FBXO42: variants seen among roughly 807,000 people sequenced by gnomAD.
The protein encoded by FBXO42 is F-box only protein 42.
A neutral mutation model predicts 71.7 loss-of-function variants in FBXO42; 12 were observed. The observed-to-expected ratio is 0.17, with a 90% CI of 0.11 to 0.27. The LOEUF (loss-of-function observed/expected upper bound fraction) is 0.27, where lower values mean the gene tolerates loss of function less well. Ranked by LOEUF, FBXO42 falls within the 10% of genes least tolerant of loss-of-function variation. The probability of loss-of-function intolerance (pLI) is 1.00; values close to 1 mark genes in which losing one functional copy is unlikely to be tolerated. For missense variants in FBXO42, 707 were observed against 911.9 expected (o/e 0.78, Z 2.89); for synonymous variants, 325 against 327.5 (o/e 0.99, Z 0.08).
chr1:16,350,339 T>A (rs189365798), intron 1 of FBXO42, among the ~76,000 whole-genome samples: 91 of 152,192 alleles, frequency 6.0e-4, no homozygotes, highest in Non-Finnish European at 1.0e-3. Flanking sequence ...CAAATTGATA[T>A]GCAAAGTAGC....
intron 2 of FBXO42, among the ~76,000 whole-genome samples, chr1:16,306,779 A>G (rs906724186): frequency 2.0e-5 from 3 of 152,108 alleles, no homozygotes; most frequent in African/African-American, 4.8e-5. Context: ...GCTCACTGCA[A>G]TCTCTGCCTC....
In FBXO42 at chr1:16,251,907, A is replaced by G; in HGVS notation, c.1039-122T>C. 7.8e-7 allele frequency: 1 copy of G among 1,288,608 alleles called. No homozygotes were observed. 79.8% of individuals were successfully genotyped at this position (1,288,608 alleles called of 1,614,324 possible). On this transcript the variant is annotated intron_variant, in intron 9 of 9. Transcript: ENST00000375592. This position sits in a 1 kb window ranked among gnomAD's most constrained non-coding sequence, Gnocchi z 4.5. ...CATTTTGTAGGTACCTGAGATATGAAGATGAAAATGATGTAGTCTGCCCTC... is the reference window on the plus strand; with the variant it reads ...CATTTTGTAGGTACCTGAGATATGAGGATGAAAATGATGTAGTCTGCCCTC...
chr1:16,316,479 T>C (rs1463853416), intron 1 of FBXO42, among the ~76,000 whole-genome samples: 1 of 152,090 alleles, frequency 6.6e-6, no homozygotes, highest in Non-Finnish European at 1.5e-5. Context: ...CTCACACCTG[T>C]AGTCCCAGCA....
Position 16,250,843 on chromosome 1 carries a change from T to C in FBXO42, c.1981A>G (p.Lys661Glu). 6.2e-7 allele frequency: 1 copy of C among 1,614,212 alleles called. No homozygotes were observed. Among genetic ancestry groups the C allele is most frequent in the East Asian group, 2.2e-5 (1 of 44,888 alleles). The change falls in exon 10 of 10, where the codon AAA (lysine) becomes GAA (glutamate). Residue 661 changes from lysine to glutamate, a missense_variant. Transcript: ENST00000375592. This position sits in a 1 kb window ranked among gnomAD's most constrained non-coding sequence, Gnocchi z 4.7. ...GAACTGCTATTAAATACTTTCCATT[T>C]GACCCGCCCCTTCTCCTTGGTGTCT... is the stretch of plus-strand genomic sequence containing the variant. ...IKDTKEKGRV[K>E]WKVFNSSSVV... is the part of the protein sequence containing the mutation.
intron 2 of FBXO42, among the ~76,000 whole-genome samples, chr1:16,312,946 C>G (rs548651893): frequency 1.3e-5 from 2 of 152,070 alleles, no homozygotes; most frequent in South Asian, 4.2e-4. Context: ...AGGCACCCAC[C>G]ACCATGCCTC....
At position 16,256,592 on chromosome 1, in the gene FBXO42, T is replaced by C. The variant is rs1268310768; in HGVS notation, c.656+14A>G. 6.2e-7 allele frequency: 1 copy of C among 1,612,642 alleles called. No individual in the cohort carries two copies. The highest frequency in any genetic ancestry group is 1.3e-5 in the African/African-American group (1 of 74,912). On this transcript the variant is annotated intron_variant, in intron 5 of 9. Transcript: ENST00000375592. Reference sequence around the variant, plus strand: ...TTTTCTTCCAGATTTAAAGAGTTTATCTTTGTGACTTACCAATTTTTAGAG... The same window carrying C: ...TTTTCTTCCAGATTTAAAGAGTTTACCTTTGTGACTTACCAATTTTTAGAG...
intron 2 of FBXO42, among the ~76,000 whole-genome samples, chr1:16,314,386 A>G (rs918600598): frequency 3.9e-5 from 6 of 152,256 alleles, no homozygotes; most frequent in African/African-American, 1.4e-4. Flanking sequence ...TAATAAGAGC[A>G]TGGACTTTAA....
At chr1:16,339,129 G>C (rs1303716607) in intron 1 of FBXO42, among the ~76,000 whole-genome samples, 1 of 150,956 alleles carries the variant, frequency 6.6e-6, no homozygotes, top group Non-Finnish European at 1.5e-5. Context: ...CTTTTTTCTA[G>C]TGGTGGTCAG....
At chr1:16,281,558 T>A (rs2081964212) in intron 4 of FBXO42, among the ~76,000 whole-genome samples, 1 of 151,064 alleles carries the variant, frequency 6.6e-6, no homozygotes, top group Non-Finnish European at 1.5e-5. Flanking sequence ...GACCTCTGCC[T>A]CCCAGGTTCA....
intron 1 of FBXO42, among the ~76,000 whole-genome samples, chr1:16,332,050 CA>C (rs906418408): frequency 1.2e-3 from 163 of 137,236 alleles, no homozygotes; most frequent in Middle Eastern, 3.8e-3. Context: ...ACTCCATCTC[CA>C]AAAAAAAAAA....
intron 1 of FBXO42, among the ~76,000 whole-genome samples, chr1:16,329,342 G>C (rs2082476501): frequency 6.6e-6 from 1 of 151,966 alleles, no homozygotes; most frequent in African/African-American, 2.4e-5. Flanking sequence ...CTAGCACTTT[G>C]GGAGACTGAG....
intron 2 of FBXO42, among the ~76,000 whole-genome samples, chr1:16,311,737 C>G (rs1244764592): frequency 6.6e-6 from 1 of 151,842 alleles, no homozygotes; most frequent in East Asian, 1.9e-4. Flanking sequence ...GAATGTGGAG[C>G]AAAAGGAACT....
chr1:16,323,145 A>G (rs1445743217), intron 1 of FBXO42, among the ~76,000 whole-genome samples: 1 of 152,122 alleles, frequency 6.6e-6, no homozygotes, highest in East Asian at 1.9e-4. Context: ...TTGGCCAGGC[A>G]CAGTGGCTCA....
At position 16,270,692 on chromosome 1, in the gene FBXO42, A is replaced by AAAAG. The variant is rs2081831064; in HGVS notation, c.503-13934_503-13933insCTTT. On this transcript the variant is annotated intron_variant, in intron 4 of 9. Coordinates refer to ENST00000375592, the MANE Select transcript of FBXO42 (RefSeq NM_018994.3). ...TGTCTCTCAAAAAAAAAAAAAAAAA[A>AAAAG]AAAAGAAAAGAAAAGAAAGAAGAAA... 1.8e-4 allele frequency among the ~76,000 whole-genome samples: 6 copies of AAAAG among 33,946 alleles called. 2 individuals carry two copies. The highest frequency in any genetic ancestry group is 3.6e-4 in the African/African-American group (3 of 8,354). 22.3% of individuals were successfully genotyped at this position (33,946 alleles called of 152,430 possible).
At chr1:16,300,526 CT>C (rs1338950952) in intron 3 of FBXO42, among the ~76,000 whole-genome samples, 2 of 152,168 alleles carry the variant, frequency 1.3e-5, no homozygotes, top group African/African-American at 4.8e-5. Flanking sequence ...ACGTCAAATT[CT>C]CTTTTGTTTC....
intron 3 of FBXO42, among the ~76,000 whole-genome samples, chr1:16,298,459 T>A (rs761267950): frequency 1.3e-5 from 2 of 152,148 alleles, no homozygotes; most frequent in Non-Finnish European, 2.9e-5. Context: ...CACATTCTTC[T>A]CCTCTTGATA....
intron 4 of FBXO42, among the ~76,000 whole-genome samples, chr1:16,284,046 T>A (rs1259476990): frequency 6.6e-6 from 1 of 152,208 alleles, no homozygotes; most frequent in Non-Finnish European, 1.5e-5. Flanking sequence ...GTTTAAACAT[T>A]AGTCTTTCAA....
chr1:16,340,584 G>C (rs1382207768), intron 1 of FBXO42, among the ~76,000 whole-genome samples: 1 of 152,076 alleles, frequency 6.6e-6, no homozygotes, highest in African/African-American at 2.4e-5. Flanking sequence ...CTCCCAAAGT[G>C]CTGGGATTAC....
chr1:16,331,057 T>G (rs925072878), intron 1 of FBXO42, among the ~76,000 whole-genome samples: 1 of 139,490 alleles, frequency 7.2e-6, no homozygotes, highest in Non-Finnish European at 1.5e-5. Flanking sequence ...GAGGCGGAGG[T>G]TGCAGTGAGC....
Sources: gnomAD v4.1 joint callset for allele counts (sites outside exome capture counted in the v4.1 genomes callset) on GRCh38, gnomAD v4.1.1 for gene constraint, Gnocchi (gnomAD v3.1) non-coding constraint, MANE v1.5 for transcripts, NCBI Gene and HGNC (gene_info 2026-07-23, HGNC 2026-07-21) for gene names.